Variants in USP24 observed in about 807,000 individuals in gnomAD.
USP24 encodes ubiquitin specific peptidase 24.
A neutral mutation model predicts 361.6 loss-of-function variants in USP24; 97 were observed. The observed-to-expected ratio is 0.27, with a 90% CI of 0.23 to 0.32. The LOEUF is 0.32. USP24 is among the 10% of genes least tolerant of loss of function. The probability of loss-of-function intolerance (pLI) is 1.00; values close to 1 mark genes in which losing one functional copy is unlikely to be tolerated. For synonymous variants in USP24, 1,098 were observed against 1,124.6 expected (o/e 0.98, Z 0.47); for missense variants, 2,353 against 3,165.6 (o/e 0.74, Z 6.16).
intron 41 of USP24, 75 bp from the exon 42 acceptor site, chr1:55,104,095 T>C (rs1007485810): frequency 1.5e-4 from 229 of 1,485,308 alleles, no homozygotes; most frequent in Non-Finnish European, 2.0e-4. Flanking sequence ...AAATCAACAG[T>C]TGAAATGAAA....
Position 55,114,665 on chromosome 1 carries a change from T to C in USP24, c.4509-4419A>G, listed in dbSNP as rs542576290. Among the ~76,000 whole-genome samples the C allele has an allele frequency of 1.5e-3, 223 of 152,326 alleles. 1 individual carries two copies. The highest frequency in any genetic ancestry group is 5.1e-3 in the African/African-American group (213 of 41,572). The stretch of plus-strand genomic sequence containing the variant: ...GGGAAAGGATTCCCTATTTAATAAA[T>C]GTTTTTGGGAAAACTGTCTAGCTAT... On this transcript the variant is annotated intron_variant, in intron 38 of 67. Coordinates refer to ENST00000294383, the MANE Select transcript of USP24 (RefSeq NM_015306.3).
chr1:55,202,866 C>T (rs772062182), intron 1 of USP24, among the ~76,000 whole-genome samples: 4 of 152,152 alleles, frequency 2.6e-5, no homozygotes, highest in Admixed American at 1.3e-4. Flanking sequence ...CAACTCCCAC[C>T]GTCTTTATAA....
intron 1 of USP24, among the ~76,000 whole-genome samples, chr1:55,182,042 A>C (rs1201658395): frequency 1.3e-5 from 2 of 152,048 alleles, no homozygotes; most frequent in East Asian, 3.9e-4. Flanking sequence ...ACCAACTCTA[A>C]TGACTTCTTT....
Position 55,097,173 on chromosome 1 carries a change from C to A in USP24, c.5716-1G>T. On this transcript the variant is annotated splice_acceptor_variant, in intron 48 of 67. Coordinates refer to ENST00000294383, the MANE Select transcript of USP24 (RefSeq NM_015306.3). LOFTEE classifies it high-confidence loss of function. The stretch of plus-strand genomic sequence containing the variant: ...GCTCCATGTTTAGCATCCAGGGAAA[C>A]TATGTAGAAGCAAAAAGACCATATT... 1 of 1,613,750 alleles carries A rather than the reference C, an allele frequency of 6.2e-7. No homozygotes were observed. The highest frequency in any genetic ancestry group is 8.5e-7 in the Non-Finnish European group (1 of 1,179,770).
intron 67 of USP24, among the ~76,000 whole-genome samples, chr1:55,070,256 G>C (rs1320415364): frequency 1.3e-5 from 2 of 152,140 alleles, no homozygotes; most frequent in African/African-American, 4.8e-5. Context: ...AAGAACAAGA[G>C]AGCTGGATGT....
chr1:55,105,506 G>A (rs1199288678), intron 41 of USP24, among the ~76,000 whole-genome samples: 1 of 152,070 alleles, frequency 6.6e-6, no homozygotes, highest in East Asian at 1.9e-4. Flanking sequence ...GTTTCTTCAG[G>A]ATTACTCAAT....
At chr1:55,109,131 G>A (rs1398198222) in intron 39 of USP24, among the ~76,000 whole-genome samples, 1 of 152,180 alleles carries the variant, frequency 6.6e-6, no homozygotes, top group Non-Finnish European at 1.5e-5. Context: ...TGGGATTACA[G>A]GCACGTGCCA....
intron 43 of USP24, 50 bp downstream of exon 43, chr1:55,101,534 T>C: frequency 1.3e-6 from 2 of 1,555,314 alleles, no homozygotes; most frequent in Non-Finnish European, 1.7e-6. Flanking sequence ...AATTTTCAAG[T>C]AACGCACGTA....
At chr1:55,113,011 T>C (rs1438998496) in intron 38 of USP24, among the ~76,000 whole-genome samples, 2 of 152,204 alleles carry the variant, frequency 1.3e-5, no homozygotes, top group Non-Finnish European at 2.9e-5. Context: ...ATCTTTACCA[T>C]TGTGTAATGC....
In USP24 at chr1:55,071,528, T is replaced by TC. The variant is rs202144372; in HGVS notation, c.7800+285dup. ...AATAAAGTGAACAAGCTGGAACGAA[T>TC]CCCCCTGTGCCCTGGCTTCATCGGG... On this transcript the variant is annotated intron_variant, in intron 67 of 67. Transcript: ENST00000294383. 3.7e-4 allele frequency: 444 copies of TC among 1,192,994 alleles called. 9 individuals are homozygous for TC. The East Asian group carries it at 0.016, about 42-fold the overall frequency. The allele number at this position is 1,192,994 out of a possible 1,614,324, so 73.9% of individuals were successfully genotyped here.
At chr1:55,171,846 ATGTGC>A (rs1649484939) in intron 4 of USP24, among the ~76,000 whole-genome samples, 168 bp from the exon 5 acceptor site, 1 of 152,210 alleles carries the variant, frequency 6.6e-6, no homozygotes, top group Non-Finnish European at 1.5e-5. Context: ...CTAAGAATTA[ATGTGC>A]TATTCTCCTG....
chr1:55,146,207 A>C, intron 19 of USP24, 98 bp from the exon 20 acceptor site: 1 of 774,658 alleles, frequency 1.3e-6, no homozygotes, highest in Non-Finnish European at 2.1e-6. Context: ...AATACTTCAA[A>C]TGTTTATACT....
intron 39 of USP24, among the ~76,000 whole-genome samples, chr1:55,109,554 C>T (rs1432457392): frequency 6.6e-6 from 1 of 151,858 alleles, no homozygotes; most frequent in Non-Finnish European, 1.5e-5. Flanking sequence ...TATTTTTTTT[C>T]CTCCTGGTCT....
At position 55,085,922 on chromosome 1, in the gene USP24, G is replaced by A. The variant is rs770281516; in HGVS notation, c.6765+20C>T. The A allele has an allele frequency of 1.0e-5, 16 of 1,606,396 alleles. No homozygotes were observed. Among genetic ancestry groups the A allele is most frequent in the East Asian group, 4.5e-5 (2 of 44,850 alleles). ...GGTAAAAACACAGTGTATAAATAAC[G>A]TTTTAAAAATGAGACCGACCTTATC... On this transcript the variant is annotated intron_variant, in intron 56 of 67. Transcript: ENST00000294383.
intron 67 of USP24, chr1:55,071,478 G>C (rs1644917247): frequency 2.8e-6 from 3 of 1,052,928 alleles, no homozygotes; most frequent in Non-Finnish European, 2.3e-6. Context: ...GCAAACGAGG[G>C]ACTTTCAGTA....
chr1:55,073,372 A>G (rs1644959028), intron 64 of USP24, among the ~76,000 whole-genome samples: 1 of 152,204 alleles, frequency 6.6e-6, no homozygotes. Flanking sequence ...GTTGTTACAA[A>G]GATGAAATAA....
chr1:55,160,385 G>C (rs746057431), intron 8 of USP24, among the ~76,000 whole-genome samples: 1 of 152,180 alleles, frequency 6.6e-6, no homozygotes, highest in Non-Finnish European at 1.5e-5. Flanking sequence ...GAAGGAGAGC[G>C]AGCTGTTATG....
chr1:55,092,186 A>ATT (rs34673217), intron 53 of USP24, 60 bp from the exon 54 acceptor site: 1,028,435 of 1,206,002 alleles, frequency 0.85, 439,819 homozygotes, highest in East Asian at 0.99. Context: ...ATTATTACAC[A>ATT]GTTACGAACT....
At chr1:55,203,522 T>C (rs532474566) in intron 1 of USP24, among the ~76,000 whole-genome samples, 2 of 152,358 alleles carry the variant, frequency 1.3e-5, no homozygotes, top group Admixed American at 1.3e-4. Flanking sequence ...GCAGGAAATA[T>C]TGTCAGTTCT....
Sources: gnomAD v4.1 joint callset for allele counts (sites outside exome capture counted in the v4.1 genomes callset) on GRCh38, gnomAD v4.1.1 for gene constraint, MANE v1.5 for transcripts, NCBI Gene and HGNC (gene_info 2026-07-23, HGNC 2026-07-21) for gene names.